The following AGAP1 variants were observed in gnomAD, a reference collection of about 807,000 sequenced individuals.
AGAP1 encodes arf-GAP with GTPase, ANK repeat and PH domain-containing protein 1.
A neutral mutation model predicts 105.3 loss-of-function variants in AGAP1; 29 were observed. The observed-to-expected ratio is 0.28, with a 90% CI of 0.21 to 0.38. The LOEUF is 0.38. AGAP1 is among the 10% of genes least tolerant of loss of function. The pLI is 1.00. For missense variants in AGAP1, 998 were observed against 1,165.1 expected, an observed-to-expected ratio of 0.86 and a Z score of 2.09; for synonymous variants, 509 against 485.9, an observed-to-expected ratio of 1.05 and a Z score of -0.63.
In AGAP1 at chr2:235,960,277, C is replaced by G. The variant is rs73130476; in HGVS notation, c.1484-8185C>G. 7.9e-5 allele frequency among the ~76,000 whole-genome samples: 12 copies of G among 152,198 alleles called. No individual in the cohort carries two copies. Among genetic ancestry groups the G allele is most frequent in the African/African-American group, 2.9e-4 (12 of 41,440 alleles). ...CTGCAAGGAGCTCATGAATGCTGGC[C>G]TGGCTTTCTGTTTCCATTCTTGAGA... On this transcript the variant is annotated intron_variant, in intron 12 of 17. Coordinates refer to ENST00000304032, the MANE Select transcript of AGAP1 (RefSeq NM_001037131.3). This position sits in a 1 kb window ranked among gnomAD's most constrained non-coding sequence, Gnocchi z 4.9.
At chr2:236,085,547 G>A (rs899179783) in intron 16 of AGAP1, among the ~76,000 whole-genome samples, 1 of 152,226 alleles carries the variant, frequency 6.6e-6, no homozygotes, top group Admixed American at 6.5e-5. Flanking sequence ...TGTTCCAGCT[G>A]GTAGGACCAG....
At chr2:236,116,097 C>T (rs2059764038) in intron 16 of AGAP1, among the ~76,000 whole-genome samples, 1 of 151,748 alleles carries the variant, frequency 6.6e-6, no homozygotes, top group South Asian at 2.1e-4. Context: ...TGAGCCACTG[C>T]ACCTGGCTGC....
chr2:235,719,054 G>C lies in AGAP1; in HGVS notation c.310+1410G>C. On this transcript the variant is annotated intron_variant, in intron 3 of 17. Transcript: ENST00000304032. This position sits in a 1 kb window ranked among gnomAD's most constrained non-coding sequence, Gnocchi z 4.9. ...TTATTTTCAAGGGCTAGCTATTGTA[G>C]AGGTTATACAGAGGTTAACTCACCT... Among the ~76,000 whole-genome samples the C allele has an allele frequency of 6.6e-6, 1 of 152,180 alleles. No individual in the cohort carries two copies. Among genetic ancestry groups the C allele is most frequent in the East Asian group, 1.9e-4 (1 of 5,194 alleles).
At chr2:235,717,979 C>T (rs1359692575) in intron 3 of AGAP1, among the ~76,000 whole-genome samples, 2 of 152,156 alleles carry the variant, frequency 1.3e-5, no homozygotes, top group African/African-American at 4.8e-5. Context: ...TTCCTGTGAT[C>T]TGGATATTGA....
rs763246586 is a variant in AGAP1, at chr2:236,036,068, A to G, written c.1646-493A>G. On this transcript the variant is annotated intron_variant, in intron 13 of 17. Transcript: ENST00000304032. This position sits in a 1 kb window ranked among gnomAD's most constrained non-coding sequence, Gnocchi z 5.7. ...TCCCTGTCTGAAAACGTGGGAATTG[A>G]TGCCTCTCCCACGGTAACAGGTCCT... is the stretch of plus-strand genomic sequence containing the variant. Among the ~76,000 whole-genome samples, 2 of 152,038 alleles carry G rather than the reference A, an allele frequency of 1.3e-5. No homozygotes were observed. Among genetic ancestry groups the G allele is most frequent in the Non-Finnish European group, 2.9e-5 (2 of 68,004 alleles).
At chr2:235,502,414 C>T (rs1389680922) in intron 1 of AGAP1, among the ~76,000 whole-genome samples, 31 of 152,166 alleles carry the variant, frequency 2.0e-4, no homozygotes, top group Admixed American at 2.0e-3. Flanking sequence ...AGGGGGCTGC[C>T]ACTGCTTGCT....
At position 235,740,211 on chromosome 2, in the gene AGAP1, C is replaced by T. The variant is rs568963616; in HGVS notation, c.311-752C>T. 1.6e-4 allele frequency among the ~76,000 whole-genome samples: 24 copies of T among 152,206 alleles called. No homozygotes were observed. The East Asian group carries it at 2.5e-3, about 16-fold the overall frequency. The stretch of plus-strand genomic sequence containing the variant: ...GCTGGGCACTGCAGCAACCTTGTAC[C>T]ATCCCCTCCTGAGAGCATCAGGGGC... On this transcript the variant is annotated intron_variant, in intron 3 of 17. Transcript: ENST00000304032. The surrounding 1 kb of genome is among the most constrained non-coding windows in gnomAD (Gnocchi z 5.7).
In AGAP1 at chr2:235,744,802, C is replaced by A; in HGVS notation, c.501C>A (p.Asn167Lys). The A allele has an allele frequency of 6.2e-7, 1 of 1,614,036 alleles. No individual in the cohort carries two copies. Among genetic ancestry groups the A allele is most frequent in the African/African-American group, 1.3e-5 (1 of 74,996 alleles). Residue 167 changes from asparagine to lysine, a missense_variant, in exon 5 of 18, where the codon AAC (asparagine) becomes AAA (lysine). Transcript: ENST00000304032. The surrounding 1 kb of genome is among the most constrained non-coding windows in gnomAD (Gnocchi z 5.2). ...HYYSRMANYR[N>K]TSEIPLVLVG... ...ACAGTCGAATGGCCAACTATCGGAA[C>A]ACGAGCGAGATTCCTCTGGTTCTGG... is the stretch of plus-strand genomic sequence containing the variant.
In AGAP1 at chr2:235,845,359, G is replaced by T. The variant is rs1234528453; in HGVS notation, c.1051-37986G>T. Among the ~76,000 whole-genome samples the T allele has an allele frequency of 6.6e-6, 1 of 152,070 alleles. No homozygotes were observed. The highest frequency in any genetic ancestry group is 2.4e-5 in the African/African-American group (1 of 41,398). On this transcript the variant is annotated intron_variant, in intron 9 of 17. Transcript: ENST00000304032. The surrounding 1 kb of genome is among the most constrained non-coding windows in gnomAD (Gnocchi z 4.8). ...CCCCCAGAGCAAAATCCAACACCAT[G>T]CTGGCTTCTGGGAGTGCAGATTTTG...
At chr2:235,684,039 T>TTTTG (rs919867563) in intron 1 of AGAP1, among the ~76,000 whole-genome samples, 55 of 141,510 alleles carry the variant, frequency 3.9e-4, no homozygotes, top group South Asian at 1.5e-3. Context: ...CTCATCCTTT[T>TTTTG]TTTGTTTGTT....
At chr2:235,669,805 C>G (rs1341069979) in intron 1 of AGAP1, 1 of 147,930 alleles carries the variant, frequency 6.8e-6, no homozygotes, top group East Asian at 2.0e-4. Flanking sequence ...CTGCCCTGGG[C>G]CCTGCGCACC....
chr2:235,831,951 T>G (rs1959463966), intron 9 of AGAP1, among the ~76,000 whole-genome samples: 1 of 152,216 alleles, frequency 6.6e-6, no homozygotes, highest in African/African-American at 2.4e-5. Flanking sequence ...AGTTTCTGTT[T>G]CTCCACATCC....
rs1406664621 is a variant in AGAP1 at position 235,962,392 on chromosome 2, G to A, written c.1484-6070G>A. On this transcript the variant is annotated intron_variant, in intron 12 of 17. Transcript: ENST00000304032. This position sits in a 1 kb window ranked among gnomAD's most constrained non-coding sequence, Gnocchi z 5.3. ...TGGTGGGAGAAGGGAAACTTACAAG[G>A]GTGAGTTTCAAGTCGTGTGCGATGC... is the stretch of plus-strand genomic sequence containing the variant. Among the ~76,000 whole-genome samples the A allele has an allele frequency of 6.6e-4, 100 of 152,086 alleles. No individual in the cohort carries two copies. Among genetic ancestry groups the A allele is most frequent in the Non-Finnish European group, 1.5e-4 (10 of 68,032 alleles).
rs2059579861 is a variant in AGAP1 at position 236,109,062 on chromosome 2, C to T, written c.2115-11130C>T. 6.6e-6 allele frequency among the ~76,000 whole-genome samples: 1 copy of T among 152,224 alleles called. No homozygotes were observed. The highest frequency in any genetic ancestry group is 1.5e-5 in the Non-Finnish European group (1 of 68,042). The stretch of plus-strand genomic sequence containing the variant: ...ACCTCATCTTTGCAGCTCTCAAATG[C>T]ATGAGGAACAGAGAATGGGGCATTG... On this transcript the variant is annotated intron_variant, in intron 16 of 17. Transcript: ENST00000304032. This position sits in a 1 kb window ranked among gnomAD's most constrained non-coding sequence, Gnocchi z 5.4.
chr2:235,956,202 G>A (rs975402251), intron 12 of AGAP1, among the ~76,000 whole-genome samples: 1 of 152,142 alleles, frequency 6.6e-6, no homozygotes, highest in Non-Finnish European at 1.5e-5. Context: ...GGGGAGAAGC[G>A]GGAATCTCTC....
Position 235,993,476 on chromosome 2 carries a change from A to G in AGAP1, c.1645+24853A>G, listed in dbSNP as rs1250927046. On this transcript the variant is annotated intron_variant, in intron 13 of 17. Coordinates refer to ENST00000304032, the MANE Select transcript of AGAP1 (RefSeq NM_001037131.3). This position sits in a 1 kb window ranked among gnomAD's most constrained non-coding sequence, Gnocchi z 5.0. ...CTGCTTCTCAAAGTGGAAGACAGGG[A>G]GCACCTCTGCAGGCCTATAGGGAGG... is the stretch of plus-strand genomic sequence containing the variant. 6.6e-6 allele frequency among the ~76,000 whole-genome samples: 1 copy of G among 152,214 alleles called. No individual in the cohort carries two copies. Among genetic ancestry groups the G allele is most frequent in the Non-Finnish European group, 1.5e-5 (1 of 68,030 alleles).
At chr2:235,984,763 C>G (rs1262440662) in intron 13 of AGAP1, among the ~76,000 whole-genome samples, 1 of 152,084 alleles carries the variant, frequency 6.6e-6, no homozygotes. Flanking sequence ...TCATCCATGT[C>G]CTTGCAAAGG....
rs760599796 is a variant in AGAP1 at position 236,050,485 on chromosome 2, C to T, written c.2114+1204C>T. On this transcript the variant is annotated intron_variant, in intron 16 of 17. Transcript: ENST00000304032. The surrounding 1 kb of genome is among the most constrained non-coding windows in gnomAD (Gnocchi z 4.0). The stretch of plus-strand genomic sequence containing the variant: ...AGACAGGGGTAAGTTTCTTACAAAC[C>T]GAAGAAATTATGCACTTTAAAAAGT... Among the ~76,000 whole-genome samples the T allele has an allele frequency of 8.6e-5, 13 of 151,988 alleles. No homozygotes were observed. The highest frequency in any genetic ancestry group is 1.9e-4 in the East Asian group (1 of 5,186).
At chr2:235,881,242 A>G (rs999518515) in intron 9 of AGAP1, among the ~76,000 whole-genome samples, 27 of 152,310 alleles carry the variant, frequency 1.8e-4, no homozygotes, top group African/African-American at 6.3e-4. Flanking sequence ...CTTGAACTCA[A>G]TTATATCCCA....
Sources: allele counts gnomAD v4.1 joint callset (sites outside exome capture counted in the v4.1 genomes callset), GRCh38; gene constraint gnomAD v4.1.1; non-coding constraint Gnocchi (gnomAD v3.1); transcripts MANE v1.5; gene names NCBI Gene and HGNC (gene_info 2026-07-23, HGNC 2026-07-21).